Variants in ABHD6 observed in about 807,000 individuals in gnomAD.
ABHD6 encodes the protein monoacylglycerol lipase ABHD6.
In ABHD6, 33 loss-of-function variants were observed where a neutral mutation model predicts 38.8. The observed-to-expected ratio is 0.85, with a 90% confidence interval of 0.64 to 1.14. The LOEUF is 1.14. Among genes scored for constraint, ABHD6 ranks in the 50% most tolerant of loss-of-function variants. ABHD6 has a pLI of 0.00. For synonymous variants in ABHD6, 147 were observed against 161.6 expected, an observed-to-expected ratio of 0.91 and a Z score of 0.69; for missense variants, 380 against 422.6, an observed-to-expected ratio of 0.90 and a Z score of 0.88.
intron 9 of ABHD6, among the ~76,000 whole-genome samples, chr3:58,291,607 C>T (rs1216452490): frequency 6.6e-6 from 1 of 152,168 alleles, no homozygotes; most frequent in Non-Finnish European, 1.5e-5. Flanking sequence ...TAGGAAATCG[C>T]TGAAATGGTT....
intron 6 of ABHD6, 74 bp downstream of exon 6, chr3:58,271,138 A>G (rs1280346459): frequency 6.8e-7 from 1 of 1,475,346 alleles, no homozygotes; most frequent in African/African-American, 1.4e-5. Context: ...GTCTGCTATG[A>G]CCGTTTTTTG....
At chr3:58,261,064 G>A (rs72886152) in intron 3 of ABHD6, among the ~76,000 whole-genome samples, 2,993 of 152,258 alleles carry the variant, frequency 0.02, 107 homozygotes, top group African/African-American at 0.068. Context: ...GATGACATCA[G>A]GTCTGATTTT....
chr3:58,286,947 A>C (rs2097457913), intron 9 of ABHD6, among the ~76,000 whole-genome samples: 1 of 149,852 alleles, frequency 6.7e-6, no homozygotes, highest in Admixed American at 6.7e-5. Flanking sequence ...TATTCTTAAA[A>C]AAATTTTATC....
intron 1 of ABHD6, among the ~76,000 whole-genome samples, chr3:58,245,006 G>C (rs2097425336): frequency 6.6e-6 from 1 of 152,172 alleles, no homozygotes; most frequent in African/African-American, 2.4e-5. Context: ...AGAAGATGTG[G>C]ATCAGTGCAC....
intron 7 of ABHD6, among the ~76,000 whole-genome samples, chr3:58,283,218 A>G (rs1338559133): frequency 2.6e-5 from 4 of 152,218 alleles, no homozygotes; most frequent in Non-Finnish European, 5.9e-5. Flanking sequence ...TTAGCCATGA[A>G]GTAGCATTCC....
rs1452768783 is a variant in ABHD6 at position 58,294,273 on chromosome 3, AG to A, written c.*509del. On this transcript the variant is annotated 3_prime_UTR_variant, in exon 10 of 10. Coordinates refer to ENST00000478253, the MANE Select transcript of ABHD6 (RefSeq NM_001320126.2). ...GTATGACTGCAGCCCATTGGCTGCA[AG>A]ACCAGGGAGGAAAGTGGCAAGCTGT... The A allele has an allele frequency of 6.5e-6, 1 of 153,136 alleles. No homozygotes were observed. Among genetic ancestry groups the A allele is most frequent in the Non-Finnish European group, 1.5e-5 (1 of 68,556 alleles). The allele number at this position is 153,136 out of a possible 1,614,324, so 9.5% of individuals were successfully genotyped here. A position where few individuals can be genotyped will look rare whatever the true frequency, so the allele number is the denominator to read the frequency against.
intron 2 of ABHD6, among the ~76,000 whole-genome samples, chr3:58,252,001 C>G (rs1157206639): frequency 6.6e-6 from 1 of 152,066 alleles, no homozygotes; most frequent in African/African-American, 2.4e-5. Flanking sequence ...AAAGAACAGA[C>G]ATGACTATTT....
At chr3:58,286,168 C>A (rs9826922) in intron 9 of ABHD6, among the ~76,000 whole-genome samples, 1 of 152,188 alleles carries the variant, frequency 6.6e-6, no homozygotes, top group African/African-American at 2.4e-5. Context: ...TACAGGCACC[C>A]GCCACCATGC....
In ABHD6 at chr3:58,269,347, C is replaced by G; in HGVS notation, c.303C>G (p.Val101=). ...TCCTTCCAAAGAACCTGCACTTGGTCTGCGTGGACATGCCAGGACATGAGG... is the reference window on the plus strand; with the variant it reads ...TCCTTCCAAAGAACCTGCACTTGGTGTGCGTGGACATGCCAGGACATGAGG... ...VKFLPKNLHL[V]CVDMPGHEGT... is the part of the protein sequence containing the mutation. Residue 101 remains valine (V), a synonymous_variant, in exon 5 of 10, where the codon GTC becomes GTG. Transcript: ENST00000478253. This position sits in a 1 kb window ranked among gnomAD's most constrained non-coding sequence, Gnocchi z 4.4. 1 of 1,613,910 alleles carries G rather than the reference C, an allele frequency of 6.2e-7. No homozygotes were observed. Among genetic ancestry groups the G allele is most frequent in the Non-Finnish European group, 8.5e-7 (1 of 1,179,852 alleles).
intron 3 of ABHD6, chr3:58,258,528 T>C (rs572824763): frequency 5.4e-5 from 16 of 294,524 alleles, no homozygotes; most frequent in African/African-American, 3.3e-4. Context: ...CATGCCACTG[T>C]CCAATTATCA....
At chr3:58,280,342 T>G (rs1487782391) in intron 7 of ABHD6, among the ~76,000 whole-genome samples, 1 of 152,200 alleles carries the variant, frequency 6.6e-6, no homozygotes, top group African/African-American at 2.4e-5. Context: ...ATTAATTTTA[T>G]CTTCAATCAC....
intron 9 of ABHD6, among the ~76,000 whole-genome samples, chr3:58,288,331 T>C (rs1051854033): frequency 6.6e-6 from 1 of 152,166 alleles, no homozygotes; most frequent in African/African-American, 2.4e-5. Context: ...GCCATGTGCA[T>C]TGTCATTTTT....
intron 7 of ABHD6, among the ~76,000 whole-genome samples, chr3:58,278,131 G>T (rs1353996948): frequency 6.6e-6 from 1 of 152,206 alleles, no homozygotes; most frequent in African/African-American, 2.4e-5. Context: ...AAATGAGTTA[G>T]GGAGGATTCC....
At chr3:58,250,514 G>C (rs1326576158) in intron 2 of ABHD6, among the ~76,000 whole-genome samples, 1 of 152,106 alleles carries the variant, frequency 6.6e-6, no homozygotes, top group Non-Finnish European at 1.5e-5. Context: ...TTCTCTGGCA[G>C]CTGGGGTGGT....
chr3:58,293,051 C>A lies in ABHD6; in HGVS notation c.838-538C>A, dbSNP rs1316191691. Among the ~76,000 whole-genome samples the A allele has an allele frequency of 6.6e-6, 1 of 152,172 alleles. No individual in the cohort carries two copies. The highest frequency in any genetic ancestry group is 1.5e-5 in the Non-Finnish European group (1 of 68,042). Reference sequence around the variant, plus strand: ...CACCTTAACACAGCCTGTGGTTCCCCATGGTCCGTGTGGCTGTAGGAGCAG... The same window carrying A: ...CACCTTAACACAGCCTGTGGTTCCCAATGGTCCGTGTGGCTGTAGGAGCAG... On this transcript the variant is annotated intron_variant, in intron 9 of 9. Coordinates refer to ENST00000478253, the MANE Select transcript of ABHD6 (RefSeq NM_001320126.2). This position sits in a 1 kb window ranked among gnomAD's most constrained non-coding sequence, Gnocchi z 4.4.
intron 5 of ABHD6, among the ~76,000 whole-genome samples, chr3:58,270,341 C>T (rs2107454916): frequency 6.6e-6 from 1 of 152,240 alleles, no homozygotes; most frequent in East Asian, 1.9e-4. Context: ...GCCACACTCA[C>T]TCATTTATTT....
chr3:58,258,413 G>A (rs192485151), intron 3 of ABHD6: 174 of 428,126 alleles, frequency 4.1e-4, no homozygotes, highest in Admixed American at 2.5e-4. Context: ...CATGAGCAGC[G>A]TGAAAGATGT....
chr3:58,274,077 G>A (rs1201302466), intron 6 of ABHD6, among the ~76,000 whole-genome samples: 1 of 152,178 alleles, frequency 6.6e-6, no homozygotes, highest in African/African-American at 2.4e-5. Flanking sequence ...AAGAGCAACT[G>A]TGGAGAAGGC....
intron 1 of ABHD6, among the ~76,000 whole-genome samples, chr3:58,239,485 G>C (rs2097421354): frequency 6.6e-6 from 1 of 152,168 alleles, no homozygotes; most frequent in Non-Finnish European, 1.5e-5. Flanking sequence ...TGTGTGCTCA[G>C]AAAGGCCTAT....
Sources: allele counts gnomAD v4.1 joint callset (sites outside exome capture counted in the v4.1 genomes callset), GRCh38; gene constraint gnomAD v4.1.1; non-coding constraint Gnocchi (gnomAD v3.1); transcripts MANE v1.5; gene names NCBI Gene and HGNC (gene_info 2026-07-23, HGNC 2026-07-21).